ROBO2: variants seen among roughly 807,000 people sequenced by gnomAD.
The protein encoded by ROBO2 is roundabout guidance receptor 2, also known as roundabout homolog 2.
Under a neutral mutation model 160.8 loss-of-function variants are expected in ROBO2, and 53 were observed. The observed-to-expected ratio is 0.33, with a 90% CI of 0.26 to 0.41. The LOEUF is 0.41. ROBO2 is among the 10% of genes least tolerant of loss of function. The pLI is 1.00. For missense variants in ROBO2, 1,577 were observed against 1,722.4 expected (o/e 0.92, Z 1.49); for synonymous variants, 664 against 611.7 (o/e 1.09, Z -1.26).
chr3:76,446,905 G>T (rs1175082046), intron 2 of ROBO2, among the ~76,000 whole-genome samples: 1 of 152,172 alleles, frequency 6.6e-6, no homozygotes, highest in Non-Finnish European at 1.5e-5. Context: ...GTGGATTAAA[G>T]ACTTAAATAT....
intron 2 of ROBO2, among the ~76,000 whole-genome samples, chr3:76,834,814 C>T (rs2067533718): frequency 6.6e-6 from 1 of 152,082 alleles, no homozygotes; most frequent in African/African-American, 2.4e-5. Flanking sequence ...TATAGACATG[C>T]AATCATTTCA....
chr3:76,745,298 C>T (rs2093867696), intron 2 of ROBO2, among the ~76,000 whole-genome samples: 1 of 152,048 alleles, frequency 6.6e-6, no homozygotes, highest in Non-Finnish European at 1.5e-5. Flanking sequence ...TCTATGTCTA[C>T]CCTGTTTTCA....
intron 2 of ROBO2, among the ~76,000 whole-genome samples, chr3:76,241,219 A>C (rs1364523922): frequency 6.6e-6 from 1 of 152,202 alleles, no homozygotes; most frequent in Admixed American, 6.5e-5. Flanking sequence ...TCTGTTATTG[A>C]ATAACTATTT....
intron 2 of ROBO2, among the ~76,000 whole-genome samples, chr3:76,875,828 A>G (rs1380950332): frequency 6.6e-6 from 1 of 151,810 alleles, no homozygotes; most frequent in African/African-American, 2.4e-5. Flanking sequence ...TAATTTTTGT[A>G]TTTTTAGTAG....
chr3:76,709,990 T>C (rs2093256313), intron 2 of ROBO2, among the ~76,000 whole-genome samples: 1 of 151,956 alleles, frequency 6.6e-6, no homozygotes, highest in Non-Finnish European at 1.5e-5. Flanking sequence ...AGGTAGGATT[T>C]TGAGGATAAA....
At chr3:77,165,616 C>T (rs2079005961) in intron 2 of ROBO2, among the ~76,000 whole-genome samples, 1 of 151,922 alleles carries the variant, frequency 6.6e-6, no homozygotes, top group African/African-American at 2.4e-5. Context: ...CATTAGTTGT[C>T]CACATTCCCT....
chr3:77,494,074 A>C (rs2086477123), intron 5 of ROBO2, among the ~76,000 whole-genome samples: 1 of 152,302 alleles, frequency 6.6e-6, no homozygotes, highest in East Asian at 1.9e-4. Context: ...TTGTTATAGA[A>C]ATTTCCTTAA....
chr3:75,910,545 G>A (rs759165635), intron 1 of ROBO2, among the ~76,000 whole-genome samples: 3 of 152,034 alleles, frequency 2.0e-5, no homozygotes, highest in Non-Finnish European at 4.4e-5. Context: ...TGTTCATTAC[G>A]AGATTCATCC....
chr3:76,493,988 T>C (rs1161670266), intron 2 of ROBO2, among the ~76,000 whole-genome samples: 1 of 152,110 alleles, frequency 6.6e-6, no homozygotes, highest in African/African-American at 2.4e-5. Context: ...GCAATTTCAC[T>C]CCCAGGCATG....
chr3:76,204,776 G>T (rs925589770), intron 2 of ROBO2, among the ~76,000 whole-genome samples: 6 of 152,142 alleles, frequency 3.9e-5, no homozygotes, highest in Admixed American at 2.6e-4. Flanking sequence ...ATCCCATTAT[G>T]TGCCAGAGAA....
chr3:77,563,280 G>C (rs1394513609), exon 11 of ROBO2: 1 of 1,613,662 alleles, frequency 6.2e-7, no homozygotes, highest in Non-Finnish European at 8.5e-7. Context: ...CTGGCAGCCA[G>C]GTACCCCTGG....
rs1005161888 is a variant in ROBO2 at position 76,255,687 on chromosome 3, A to G, written c.109+318085A>G. On this transcript the variant is annotated intron_variant, in intron 2 of 26. Transcript: ENST00000487694. ...GAAATGGTTTATAGATTTAAATTTAAGAGTTCAATCGAAAATCACAGAGAA... is the reference window on the plus strand; with the variant it reads ...GAAATGGTTTATAGATTTAAATTTAGGAGTTCAATCGAAAATCACAGAGAA... 5.3e-5 allele frequency among the ~76,000 whole-genome samples: 8 copies of G among 152,148 alleles called. 1 individual carries two copies. The highest frequency in any genetic ancestry group is 3.2e-3 in the Middle Eastern group (1 of 316).
rs1020645665 is a variant in ROBO2 at position 77,527,559 on chromosome 3, T to C, written c.934+4657T>C. The C allele has an allele frequency of 1.1e-5, 6 of 522,002 alleles. No homozygotes were observed. The South Asian group carries it at 1.7e-4, about 15-fold the overall frequency. 32.3% of individuals were successfully genotyped at this position (522,002 alleles called of 1,614,324 possible). A position where few individuals can be genotyped will look rare whatever the true frequency, so the allele number is the denominator to read the frequency against. The stretch of plus-strand genomic sequence containing the variant: ...GACTGTATGCTGTAAAAGTTGCTCA[T>C]GTTTTTTTTACTCACTTTGATAAAC... On this transcript the variant is annotated intron_variant, in intron 6 of 25. Transcript: ENST00000461745.
chr3:77,173,341 G>A (rs185126063), intron 2 of ROBO2, among the ~76,000 whole-genome samples: 44 of 151,808 alleles, frequency 2.9e-4, no homozygotes, highest in Admixed American at 2.5e-3. Context: ...TTTCCCAGGA[G>A]TGCTCTCATG....
chr3:76,134,213 G>A (rs901375593), intron 2 of ROBO2, among the ~76,000 whole-genome samples: 3 of 151,936 alleles, frequency 2.0e-5, no homozygotes, highest in Admixed American at 6.6e-5. Context: ...TAAAAGACAC[G>A]AGGAATTTCT....
intron 2 of ROBO2, among the ~76,000 whole-genome samples, chr3:76,447,667 A>G (rs1577257802): frequency 6.6e-6 from 1 of 151,274 alleles, no homozygotes; most frequent in East Asian, 1.9e-4. Flanking sequence ...GATAGACTGG[A>G]TTAAGAAAAT....
intron 2 of ROBO2, among the ~76,000 whole-genome samples, chr3:77,019,976 C>T (rs1193689671): frequency 6.6e-6 from 1 of 152,020 alleles, no homozygotes; most frequent in Admixed American, 6.6e-5. Flanking sequence ...TAGTGAGGTG[C>T]CAAAGGATCC....
At chr3:76,600,445 A>G (rs1181884705) in intron 2 of ROBO2, among the ~76,000 whole-genome samples, 2 of 152,238 alleles carry the variant, frequency 1.3e-5, no homozygotes, top group Non-Finnish European at 2.9e-5. Flanking sequence ...TAATTTATGA[A>G]AAAATGAGGT....
At chr3:77,466,073 A>G (rs987193188) in intron 2 of ROBO2, among the ~76,000 whole-genome samples, 6 of 152,190 alleles carry the variant, frequency 3.9e-5, no homozygotes, top group African/African-American at 1.2e-4. Context: ...TAGCAAAAGA[A>G]AAGAAGGTTA....
Sources: allele counts gnomAD v4.1 joint callset (sites outside exome capture counted in the v4.1 genomes callset), GRCh38; gene constraint gnomAD v4.1.1; transcripts MANE v1.5; gene names NCBI Gene and HGNC (gene_info 2026-07-23, HGNC 2026-07-21).